Variants in RASL11A observed in about 807,000 individuals in gnomAD.
RASL11A encodes ras-like protein family member 11A.
In RASL11A, 14 loss-of-function variants were observed where a neutral mutation model predicts 17.1. That is an observed-to-expected ratio of 0.82 (90% CI 0.54 to 1.28). The LOEUF is 1.28. Among genes scored for constraint, RASL11A ranks in the 50% most tolerant of loss-of-function variants. The pLI is 0.00. For synonymous variants in RASL11A, 146 were observed against 132.5 expected (o/e 1.10, Z -0.70); for missense variants, 283 against 312.3 (o/e 0.91, Z 0.71).
rs749709336 is a variant in RASL11A, at chr13:27,273,374, T to A, written c.609T>A (p.Ser203Arg). The change falls in exon 4 of 4, where the codon AGT becomes AGA. Residue 203 changes from serine (S) to arginine (R), a missense_variant. By Grantham distance (110) the Ser-to-Arg change is moderately radical. Transcript: ENST00000241463. ...CKEVSKMHGLSGERRRASIIP... is the reference protein window; with the variant it reads ...CKEVSKMHGLRGERRRASIIP... The stretch of plus-strand genomic sequence containing the variant: ...AAGTGAGCAAGATGCACGGCCTCAG[T>A]GGGGAAAGAAGAAGAGCCTCCATCA... 22 of 1,614,056 alleles carry A rather than the reference T, an allele frequency of 1.4e-5. No individual in the cohort carries two copies. The highest frequency in any genetic ancestry group is 1.9e-5 in the Non-Finnish European group (22 of 1,180,040).
rs775124920 is a variant in RASL11A at position 27,271,488 on chromosome 13, G to C, written c.129G>C (p.Met43Ile). The C allele has an allele frequency of 6.2e-7, 1 of 1,614,120 alleles. No homozygotes were observed. Among genetic ancestry groups the C allele is most frequent in the Non-Finnish European group, 8.5e-7 (1 of 1,180,046 alleles). The stretch of plus-strand genomic sequence containing the variant: ...ATTTTCCTATTTCCTTTTCAGCAAT[G>C]ATCGTGCGCTTCCTGACCAAGAGAT... ...LGAGRVGKSAMIVRFLTKRFI... is the reference protein window; with the variant it reads ...LGAGRVGKSAIIVRFLTKRFI... The change falls in exon 2 of 4, where the codon ATG becomes ATC. Residue 43 changes from methionine to isoleucine, a missense_variant. Met to Ile is a conservative substitution (Grantham distance 10). Transcript: ENST00000241463.
rs1398978345 is a variant in RASL11A at position 27,271,912 on chromosome 13, G to T, written c.261+194G>T. ...GTGTTAGAAACTCTCTAAGGGGGAG[G>T]CATGGTTAGAAGCAGCCTCCTCTTG... On this transcript the variant is annotated intron_variant, in intron 3 of 3. Coordinates refer to ENST00000241463, the MANE Select transcript of RASL11A (RefSeq NM_206827.2). Among the ~76,000 whole-genome samples the T allele has an allele frequency of 5.9e-5, 9 of 152,308 alleles. 1 individual carries two copies. The South Asian group carries it at 1.9e-3, about 32-fold the overall frequency.
At chr13:27,272,934 C>T (rs1280815876) in intron 3 of RASL11A, 93 bp from the exon 4 acceptor site, 8 of 975,800 alleles carry the variant, frequency 8.2e-6, no homozygotes, top group Non-Finnish European at 1.1e-5. Flanking sequence ...ATTTCTTTTT[C>T]AAGTGTTTCT....
In RASL11A at chr13:27,271,658, G is replaced by A; in HGVS notation, c.201G>A (p.Leu67=). The part of the protein sequence containing the change: ...EPNTGKLYSR[L]VYVEGDQLSL... ...CTCCAGGCAAGCTGTATTCACGGCT[G>A]GTCTATGTCGAGGGGGACCAGCTCT... is the stretch of plus-strand genomic sequence containing the variant. The change falls in exon 3 of 4, where the codon CTG becomes CTA. Residue 67 remains leucine, a synonymous_variant. Transcript: ENST00000241463. The A allele has an allele frequency of 6.2e-7, 1 of 1,613,972 alleles. No homozygotes were observed. The highest frequency in any genetic ancestry group is 8.5e-7 in the Non-Finnish European group (1 of 1,180,004).
chr13:27,271,471 A>G lies in RASL11A; in HGVS notation c.125-13A>G, dbSNP rs777266259. On this transcript the variant is annotated splice_polypyrimidine_tract_variant and intron_variant, in intron 1 of 3. Coordinates refer to ENST00000241463, the MANE Select transcript of RASL11A (RefSeq NM_206827.2). ...TTCTACTCCTTCGGTTGATTTTCCT[A>G]TTTCCTTTTCAGCAATGATCGTGCG... The G allele has an allele frequency of 1.2e-6, 2 of 1,613,766 alleles. No homozygotes were observed. Among genetic ancestry groups the G allele is most frequent in the South Asian group, 1.1e-5 (1 of 91,060 alleles).
chr13:27,271,741 A>G (rs370716159), intron 3 of RASL11A, 23 bp downstream of exon 3: 2 of 1,589,630 alleles, frequency 1.3e-6, no homozygotes, highest in East Asian at 2.2e-5. Flanking sequence ...AGGGGCAAAC[A>G]GCTCACCCCC....
intron 1 of RASL11A, 104 bp downstream of exon 1, chr13:27,271,172 G>A: frequency 6.1e-6 from 9 of 1,476,596 alleles, no homozygotes; most frequent in African/African-American, 1.4e-5. Flanking sequence ...AGAGGGCGCG[G>A]GTGCAGGTAG....
In RASL11A at chr13:27,273,215, C is replaced by A. The variant is rs1350362208; in HGVS notation, c.450C>A (p.Asp150Glu). The change falls in exon 4 of 4, where the codon GAC becomes GAA. Residue 150 changes from aspartate to glutamate, a missense_variant. By Grantham distance (45) the Asp-to-Glu change is conservative (BLOSUM62 2). Coordinates refer to ENST00000241463, the MANE Select transcript of RASL11A (RefSeq NM_206827.2). ...TCATCATCGTGGGCAACAAGGGGGA[C>A]CTTTTGCATGCCCGGCAGGTGCAGA... ...APVIIVGNKGDLLHARQVQTQ... is the reference protein window; with the variant it reads ...APVIIVGNKGELLHARQVQTQ... 3.7e-6 allele frequency: 6 copies of A among 1,614,244 alleles called. No homozygotes were observed. Among genetic ancestry groups the A allele is most frequent in the Non-Finnish European group, 3.4e-6 (4 of 1,180,048 alleles).
intron 3 of RASL11A, 29 bp downstream of exon 3, chr13:27,271,747 C>A: frequency 1.9e-6 from 3 of 1,578,154 alleles, no homozygotes; most frequent in Non-Finnish European, 2.6e-6. Flanking sequence ...AAACAGCTCA[C>A]CCCCACCCGT....
rs376593196 is a variant in RASL11A at position 27,273,394 on chromosome 13, C to T, written c.629C>T (p.Ser210Phe). The change falls in exon 4 of 4, where the codon TCC becomes TTC. Residue 210 changes from serine (S) to phenylalanine (F), a missense_variant. Physicochemically the swap from Ser to Phe is radical, Grantham distance 155. Coordinates refer to ENST00000241463, the MANE Select transcript of RASL11A (RefSeq NM_206827.2). ...HGLSGERRRA[S>F]IIPRPRSPNM... is the part of the protein sequence containing the mutation. The stretch of plus-strand genomic sequence containing the variant: ...CTCAGTGGGGAAAGAAGAAGAGCCT[C>T]CATCATCCCTCGGCCCCGCTCTCCC... The T allele has an allele frequency of 1.2e-5, 19 of 1,614,210 alleles. No homozygotes were observed. In the South Asian group the frequency reaches 1.3e-4, roughly 11 times the overall value.
Position 27,270,925 on chromosome 13 carries a change from C to G in RASL11A, c.-20C>G. 1.3e-6 allele frequency: 2 copies of G among 1,575,414 alleles called. No homozygotes were observed. Among genetic ancestry groups the G allele is most frequent in the Non-Finnish European group, 1.7e-6 (2 of 1,161,522 alleles). ...GGCCCAGCCCTCTCGGATTGCGCGC[C>G]GGACCCCGGGACGCGCTCCATGCGG... On this transcript the variant is annotated 5_prime_UTR_variant, in exon 1 of 4. Transcript: ENST00000241463.
Position 27,273,690 on chromosome 13 carries a change from CTTTTTTTTTTTTTTTTTTTTT to C in RASL11A, c.*206_*226del. The C allele has an allele frequency of 1.4e-5, 1 of 70,918 alleles. No individual in the cohort carries two copies. Among genetic ancestry groups the C allele is most frequent in the Non-Finnish European group, 2.6e-5 (1 of 39,110 alleles). 4.4% of individuals were successfully genotyped at this position (70,918 alleles called of 1,614,324 possible). ...ATTTTGTTTTGTTTTATTAAAAGAA[CTTTTTTTTTTTTTTTTTTTTT>C]TTTTTTTTTACTGTAACTGCTGGCC... On this transcript the variant is annotated 3_prime_UTR_variant, in exon 4 of 4. Transcript: ENST00000241463.
At chr13:27,271,197 C>G in intron 1 of RASL11A, 129 bp downstream of exon 1, 1 of 1,459,280 alleles carries the variant, frequency 6.9e-7, no homozygotes, top group Non-Finnish European at 9.0e-7. Flanking sequence ...GGGCTGCTTT[C>G]GCGCTGGGTG....
At chr13:27,272,195 A>G (rs934740615) in intron 3 of RASL11A, among the ~76,000 whole-genome samples, 4 of 152,116 alleles carry the variant, frequency 2.6e-5, no homozygotes, top group South Asian at 4.1e-4. Context: ...GCTCACTGCA[A>G]CTTCCGCCTC....
intron 1 of RASL11A, 86 bp from the exon 2 acceptor site, chr13:27,271,398 C>A: frequency 6.4e-7 from 1 of 1,571,338 alleles, no homozygotes; most frequent in Non-Finnish European, 8.7e-7. Context: ...GGTTCTGCAC[C>A]CTTCACTCCC....
chr13:27,273,295 C>G lies in RASL11A; in HGVS notation c.530C>G (p.Ser177Cys). 6.2e-7 allele frequency: 1 copy of G among 1,614,186 alleles called. No individual in the cohort carries two copies. The highest frequency in any genetic ancestry group is 8.5e-7 in the Non-Finnish European group (1 of 1,180,044). ...CTGGGCAGCCTGTTCCTTGAAATTT[C>G]CACTAGCGAAAACTACGAAGATGTC... ...NELGSLFLEI[S>C]TSENYEDVCD... The change falls in exon 4 of 4, where the codon TCC becomes TGC. Residue 177 changes from serine (S) to cysteine (C), a missense_variant. By Grantham distance (112) the Ser-to-Cys change is moderately radical. Transcript: ENST00000241463.
intron 3 of RASL11A, 79 bp downstream of exon 3, chr13:27,271,797 C>G (rs566322626): frequency 8.2e-7 from 1 of 1,214,488 alleles, no homozygotes; most frequent in East Asian, 2.3e-5. Flanking sequence ...GGCGCCCATG[C>G]TGGGCGCAGG....
At position 27,273,617 on chromosome 13, in the gene RASL11A, T is replaced by C; in HGVS notation, c.*123T>C. ...ATAAAAAAATTGATTTTCAAGTACATGTGTATTTCTGAAAATTCAAACAGT... is the reference window on the plus strand; with the variant it reads ...ATAAAAAAATTGATTTTCAAGTACACGTGTATTTCTGAAAATTCAAACAGT... On this transcript the variant is annotated 3_prime_UTR_variant, in exon 4 of 4. Transcript: ENST00000241463. 2.8e-6 allele frequency: 2 copies of C among 703,878 alleles called. No homozygotes were observed. The highest frequency in any genetic ancestry group is 5.8e-5 in the South Asian group (2 of 34,578). 43.6% of individuals were successfully genotyped at this position (703,878 alleles called of 1,614,324 possible).
rs1882444525 is a variant in RASL11A at position 27,274,997 on chromosome 13, A to G, written c.*1503A>G. On this transcript the variant is annotated 3_prime_UTR_variant, in exon 4 of 4. Coordinates refer to ENST00000241463, the MANE Select transcript of RASL11A (RefSeq NM_206827.2). ...GTGGTGGAAAGGGACTGACATATGC[A>G]GCTTCTGGCAATCACAGACCATTAC... 1.3e-5 allele frequency among the ~76,000 whole-genome samples: 2 copies of G among 152,220 alleles called. No individual in the cohort carries two copies. Among genetic ancestry groups the G allele is most frequent in the African/African-American group, 4.8e-5 (2 of 41,458 alleles).
Sources: allele counts gnomAD v4.1 joint callset (sites outside exome capture counted in the v4.1 genomes callset), GRCh38; gene constraint gnomAD v4.1.1; transcripts MANE v1.5; gene names NCBI Gene and HGNC (gene_info 2026-07-23, HGNC 2026-07-21).